Variants in COPS3 observed in about 807,000 individuals in gnomAD.
COPS3 encodes the protein COP9 signalosome complex subunit 3.
COPS3 carries 10 observed loss-of-function variants against 58.2 expected under a neutral mutation model. That is an observed-to-expected ratio of 0.17 (90% CI 0.11 to 0.29). COPS3 has a LOEUF of 0.29. Among genes scored for constraint, COPS3 ranks in the 10% least tolerant of loss-of-function variants. COPS3 has a pLI of 1.00. For synonymous variants in COPS3, 187 were observed against 181.7 expected, an observed-to-expected ratio of 1.03 and a Z score of -0.24; for missense variants, 333 against 510.1, an observed-to-expected ratio of 0.65 and a Z score of 3.34.
chr17:17,258,045 T>A (rs556171499), intron 8 of COPS3, among the ~76,000 whole-genome samples: 14 of 152,142 alleles, frequency 9.2e-5, no homozygotes, highest in Non-Finnish European at 2.1e-4. Context: ...TGGGACATCA[T>A]GCCAAAAATG....
rs755459893 is a variant in COPS3, at chr17:17,267,965, T to C, written c.361A>G (p.Ile121Val). ...TCTATGGCTTGCTTAAGGATGCCAATTCCTCGCAGGGGCTGTCAGAAATGA... is the reference window on the plus strand; with the variant it reads ...TCTATGGCTTGCTTAAGGATGCCAACTCCTCGCAGGGGCTGTCAGAAATGA... ...LVERKQPLRG[I>V]GILKQAIDKM... Residue 121 changes from isoleucine to valine, a missense_variant, in exon 5 of 12, where the codon ATT becomes GTT. Ile to Val is a conservative substitution (Grantham distance 29, BLOSUM62 3). Transcript: ENST00000268717. 2 of 1,613,864 alleles carry C rather than the reference T, an allele frequency of 1.2e-6. No homozygotes were observed. The highest frequency in any genetic ancestry group is 2.7e-5 in the African/African-American group (2 of 74,930).
chr17:17,255,940 C>T (rs910650131), intron 8 of COPS3, among the ~76,000 whole-genome samples: 4 of 150,456 alleles, frequency 2.7e-5, no homozygotes, highest in South Asian at 2.1e-4. Context: ...GAGGCCCAGG[C>T]GAGTGGATCA....
intron 2 of COPS3, 152 bp from the exon 3 acceptor site, chr17:17,271,160 T>A: frequency 1.5e-6 from 1 of 674,000 alleles, no homozygotes; most frequent in Non-Finnish European, 2.6e-6. Context: ...GCCAGGACAG[T>A]GGCTCATGCC....
intron 4 of COPS3, among the ~76,000 whole-genome samples, chr17:17,269,888 G>A (rs2048307857): frequency 6.6e-6 from 1 of 152,210 alleles, no homozygotes; most frequent in African/African-American, 2.4e-5. Flanking sequence ...CGGGCGTGGT[G>A]GCTCACGCCT....
At position 17,280,731 on chromosome 17, in the gene COPS3, A is replaced by C. The variant is rs558613881; in HGVS notation, c.55+401T>G. On this transcript the variant is annotated intron_variant, in intron 1 of 11. Coordinates refer to ENST00000268717, the MANE Select transcript of COPS3 (RefSeq NM_003653.4). ...GCCCGCTCCCGGCGGCCTAGTCAGCAAGCTGCGGATCGGCGGCAAAGATGA... is the reference window on the plus strand; with the variant it reads ...GCCCGCTCCCGGCGGCCTAGTCAGCCAGCTGCGGATCGGCGGCAAAGATGA... The C allele has an allele frequency of 3.2e-6, 4 of 1,246,178 alleles. No individual in the cohort carries two copies. The African/African-American group carries it at 4.7e-5, about 15-fold the overall frequency. 77.2% of individuals were successfully genotyped at this position (1,246,178 alleles called of 1,614,324 possible).
chr17:17,271,649 G>A (rs1036516769), intron 2 of COPS3, among the ~76,000 whole-genome samples: 10 of 149,870 alleles, frequency 6.7e-5, no homozygotes, highest in Admixed American at 6.0e-4. Flanking sequence ...GAAAAACCTC[G>A]TCTCTACTAA....
chr17:17,273,401 A>G (rs1272233429), intron 2 of COPS3, among the ~76,000 whole-genome samples: 1 of 152,162 alleles, frequency 6.6e-6, no homozygotes, highest in Non-Finnish European at 1.5e-5. Flanking sequence ...AGATAGTTCT[A>G]TTGGACAGTG....
In COPS3 at chr17:17,265,365, C is replaced by CCATT. The variant is rs1251853004; in HGVS notation, c.442-388_442-385dup. Among the ~76,000 whole-genome samples, 3 of 151,684 alleles carry CCATT rather than the reference C, an allele frequency of 2.0e-5. No homozygotes were observed. In the East Asian group the frequency reaches 5.8e-4, roughly 29 times the overall value. ...AGATTAGGAATAGTCAACCTGTACT[C>CCATT]CATTTTCTTAGCCATTCAGAAAAAA... On this transcript the variant is annotated intron_variant, in intron 5 of 11. Transcript: ENST00000268717.
chr17:17,271,898 T>TAATATATATTA (rs1251875645), intron 2 of COPS3, among the ~76,000 whole-genome samples: 1 of 77,016 alleles, frequency 1.3e-5, no homozygotes, highest in Non-Finnish European at 4.5e-5. Flanking sequence ...ATATATTAAA[T>TAATATATATTA]AATAAACATG....
intron 2 of COPS3, among the ~76,000 whole-genome samples, chr17:17,275,569 C>T (rs372007500): frequency 2.6e-5 from 4 of 152,084 alleles, no homozygotes; most frequent in African/African-American, 9.7e-5. Flanking sequence ...ACTGTAACTG[C>T]CATAACTTTA....
At position 17,261,869 on chromosome 17, in the gene COPS3, A is replaced by G. The variant is rs923601187; in HGVS notation, c.762+97T>C. The G allele has an allele frequency of 1.5e-5, 16 of 1,059,172 alleles. No homozygotes were observed. The Middle Eastern group carries it at 6.6e-4, about 44-fold the overall frequency. The allele number at this position is 1,059,172 out of a possible 1,614,324, so 65.6% of individuals were successfully genotyped here. A position where few individuals can be genotyped will look rare whatever the true frequency, so the allele number is the denominator to read the frequency against. On this transcript the variant is annotated intron_variant, in intron 7 of 11. Coordinates refer to ENST00000268717, the MANE Select transcript of COPS3 (RefSeq NM_003653.4). The stretch of plus-strand genomic sequence containing the variant: ...TCACCTGAAGCTGCTAGGAGAGCTA[A>G]ATCAGTATAAAACGAAGTTACAGAA...
Position 17,275,939 on chromosome 17 carries a change from C to T in COPS3, c.185+96G>A, listed in dbSNP as rs540200581. The T allele has an allele frequency of 2.1e-3, 2,560 of 1,244,348 alleles. 4 individuals carry two copies. Among genetic ancestry groups the T allele is most frequent in the South Asian group, 3.2e-3 (179 of 55,602 alleles). The allele number at this position is 1,244,348 out of a possible 1,614,324, so 77.1% of individuals were successfully genotyped here. A position where few individuals can be genotyped will look rare whatever the true frequency, so the allele number is the denominator to read the frequency against. ...CCTGGGTGACAGAGCGAAACTCCAT[C>T]TCAAAAAATATAAATAAATAAATAA... On this transcript the variant is annotated intron_variant, in intron 2 of 11. Coordinates refer to ENST00000268717, the MANE Select transcript of COPS3 (RefSeq NM_003653.4).
intron 9 of COPS3, among the ~76,000 whole-genome samples, chr17:17,254,139 C>CA (rs1224947961): frequency 6.6e-6 from 1 of 151,164 alleles, no homozygotes; most frequent in Non-Finnish European, 1.5e-5. Flanking sequence ...CCCATCTCTT[C>CA]AAAAAAATAC....
At chr17:17,268,066 C>G in intron 4 of COPS3, 89 bp from the exon 5 acceptor site, 1 of 1,478,078 alleles carries the variant, frequency 6.8e-7, no homozygotes, top group Non-Finnish European at 9.0e-7. Context: ...AAAAATAACA[C>G]TAATTGATAG....
chr17:17,277,040 A>C (rs543898963), intron 1 of COPS3, among the ~76,000 whole-genome samples: 5 of 152,024 alleles, frequency 3.3e-5, no homozygotes, highest in African/African-American at 1.2e-4. Flanking sequence ...CCCCTCACAC[A>C]CCTACTCTTC....
rs549873881 is a variant in COPS3, at chr17:17,281,166, C to T, written c.21G>A (p.Gln7=). The T allele has an allele frequency of 1.4e-5, 22 of 1,611,760 alleles. No individual in the cohort carries two copies. In the South Asian group the frequency reaches 2.4e-4, roughly 18 times the overall value. The change falls in exon 1 of 12, where the codon CAG becomes CAA. Residue 7 remains glutamine, a synonymous_variant. Coordinates refer to ENST00000268717, the MANE Select transcript of COPS3 (RefSeq NM_003653.4). MASALE[Q]FVNSVRQLSA... is the part of the protein sequence containing the mutation. The stretch of plus-strand genomic sequence containing the variant: ...AGAGCTGTCGGACACTGTTCACGAA[C>T]TGCTCCAGGGCAGACGCCATGTTTT...
intron 7 of COPS3, 62 bp from the exon 8 acceptor site, chr17:17,260,536 A>C: frequency 1.3e-6 from 2 of 1,514,248 alleles, no homozygotes; most frequent in Non-Finnish European, 1.8e-6. Flanking sequence ...AGGTGTGGGG[A>C]CTCACGCCTG....
At chr17:17,265,521 C>G (rs958412023) in intron 5 of COPS3, among the ~76,000 whole-genome samples, 3 of 151,892 alleles carry the variant, frequency 2.0e-5, no homozygotes, top group Non-Finnish European at 2.9e-5. Flanking sequence ...GCATTAGCCT[C>G]CCGAGTAGCT....
At chr17:17,263,547 CTT>C (rs1433626270) in intron 6 of COPS3, among the ~76,000 whole-genome samples, 7 of 105,400 alleles carry the variant, frequency 6.6e-5, no homozygotes, top group Admixed American at 1.3e-4. Flanking sequence ...GAGTTTTGCT[CTT>C]GTTGCCCAAG....
Sources: allele counts gnomAD v4.1 joint callset (sites outside exome capture counted in the v4.1 genomes callset), GRCh38; gene constraint gnomAD v4.1.1; transcripts MANE v1.5; gene names NCBI Gene and HGNC (gene_info 2026-07-23, HGNC 2026-07-21).